STX8: variants seen among roughly 807,000 people sequenced by gnomAD.
STX8 encodes syntaxin-8.
A neutral mutation model predicts 37.5 loss-of-function variants in STX8; 23 were observed. That is an observed-to-expected ratio of 0.61 (90% CI 0.44 to 0.87). The LOEUF is 0.87. Ranked by LOEUF, STX8 falls within the 40% of genes least tolerant of loss-of-function variation. The pLI is 0.00. For missense variants in STX8, 313 were observed against 284.7 expected (o/e 1.10, Z -0.71); for synonymous variants, 115 against 99.1 (o/e 1.16, Z -0.95).
chr17:9,526,084 G>C lies in STX8; in HGVS notation c.323+19088C>G, dbSNP rs117199261. Among the ~76,000 whole-genome samples the C allele has an allele frequency of 5.8e-4, 89 of 152,296 alleles. 2 individuals carry two copies. In the East Asian group the frequency reaches 0.016, roughly 27 times the overall value. On this transcript the variant is annotated intron_variant, in intron 4 of 7. Coordinates refer to ENST00000306357, the MANE Select transcript of STX8 (RefSeq NM_004853.3). ...GAACAGGGTAATACTGTCCCTGCAA[G>C]TGTGAAAGACGAAGTATTCAAAGCC...
At chr17:9,362,294 G>A (rs72816145) in intron 7 of STX8, among the ~76,000 whole-genome samples, 7,557 of 152,106 alleles carry the variant, frequency 0.05, 234 homozygotes, top group Non-Finnish European at 0.071. Context: ...CACTGTACTC[G>A]GGCCTGCATG....
chr17:9,397,320 C>T (rs1912438737), intron 6 of STX8, among the ~76,000 whole-genome samples: 3 of 152,130 alleles, frequency 2.0e-5, no homozygotes, highest in African/African-American at 4.8e-5. Context: ...TGCTTGAACC[C>T]GGGAGGGAGA....
At chr17:9,292,196 A>T (rs1445130858) in intron 7 of STX8, among the ~76,000 whole-genome samples, 1 of 152,234 alleles carries the variant, frequency 6.6e-6, no homozygotes, top group African/African-American at 2.4e-5. Context: ...CCTTTACACA[A>T]AGAAGAACCT....
intron 6 of STX8, among the ~76,000 whole-genome samples, chr17:9,422,429 T>C (rs991364348): frequency 6.6e-6 from 1 of 152,202 alleles, no homozygotes; most frequent in Non-Finnish European, 1.5e-5. Context: ...GGTAGTTCTT[T>C]ACAGCATGTG....
chr17:9,269,966 C>T (rs1286912041), intron 7 of STX8, among the ~76,000 whole-genome samples: 2 of 152,190 alleles, frequency 1.3e-5, no homozygotes, highest in African/African-American at 4.8e-5. Flanking sequence ...GTATACTAAA[C>T]ACATGCGGTA....
chr17:9,523,466 G>T (rs529479340), intron 4 of STX8, among the ~76,000 whole-genome samples: 8 of 151,664 alleles, frequency 5.3e-5, no homozygotes, highest in Non-Finnish European at 1.2e-4. Flanking sequence ...TAATATGAGG[G>T]AGTTGGTGTT....
intron 6 of STX8, among the ~76,000 whole-genome samples, chr17:9,400,409 ATTT>A (rs1304977741): frequency 1.8e-5 from 2 of 112,886 alleles, no homozygotes; most frequent in South Asian, 3.3e-4. Flanking sequence ...TTATTTATTT[ATTT>A]TTTTTTTTTT....
intron 7 of STX8, among the ~76,000 whole-genome samples, chr17:9,342,624 G>A (rs748894589): frequency 2.2e-4 from 34 of 152,158 alleles, no homozygotes; most frequent in African/African-American, 8.0e-4. Context: ...TGTGTGTGGC[G>A]CGTGTGTTTA....
At chr17:9,299,593 G>A (rs539478637) in intron 7 of STX8, among the ~76,000 whole-genome samples, 18 of 151,928 alleles carry the variant, frequency 1.2e-4, no homozygotes, top group South Asian at 1.0e-3. Flanking sequence ...ACAGGCGCCC[G>A]CCACCACACC....
chr17:9,361,689 T>G (rs532937442), intron 7 of STX8, among the ~76,000 whole-genome samples: 7 of 152,362 alleles, frequency 4.6e-5, no homozygotes, highest in Non-Finnish European at 8.8e-5. Context: ...GATTGTTTCT[T>G]GTAAGCAACG....
chr17:9,504,992 A>AAAAAAAAAAAAAAAAT, intron 5 of STX8, 46 bp downstream of exon 5: 1 of 1,524,560 alleles, frequency 6.6e-7, no homozygotes, highest in South Asian at 1.2e-5. Context: ...AAAAAAAAAA[A>AAAAAAAAAAAAAAAAT]TTCTGGCAAG....
chr17:9,252,295 T>G (rs1898904509), intron 7 of STX8, among the ~76,000 whole-genome samples: 1 of 152,054 alleles, frequency 6.6e-6, no homozygotes, highest in South Asian at 2.1e-4. Context: ...GTACAAAAAA[T>G]TAGCCTGGCG....
At chr17:9,428,055 C>T (rs886614535) in intron 6 of STX8, among the ~76,000 whole-genome samples, 1 of 152,118 alleles carries the variant, frequency 6.6e-6, no homozygotes, top group Non-Finnish European at 1.5e-5. Context: ...ACTCCTAGGA[C>T]CAGTGGCTGC....
intron 7 of STX8, among the ~76,000 whole-genome samples, chr17:9,368,189 T>C (rs951997840): frequency 2.6e-5 from 4 of 152,182 alleles, no homozygotes; most frequent in Non-Finnish European, 5.9e-5. Flanking sequence ...CTTACTGTAA[T>C]ATATTCTGAA....
chr17:9,462,754 C>A (rs1343677747), intron 6 of STX8, among the ~76,000 whole-genome samples: 2 of 152,162 alleles, frequency 1.3e-5, no homozygotes, highest in Non-Finnish European at 2.9e-5. Flanking sequence ...AGGAAAAAAG[C>A]ATGGGGAATA....
intron 3 of STX8, among the ~76,000 whole-genome samples, chr17:9,550,491 G>A (rs542977063): frequency 6.9e-6 from 1 of 145,766 alleles, no homozygotes; most frequent in African/African-American, 2.5e-5. Flanking sequence ...GGAGAATGGC[G>A]TGAACCCGGG....
intron 4 of STX8, among the ~76,000 whole-genome samples, chr17:9,530,118 T>C (rs1462234683): frequency 6.6e-6 from 1 of 151,942 alleles, no homozygotes; most frequent in African/African-American, 2.4e-5. Flanking sequence ...CCATCCTGGC[T>C]AACACAGTGA....
At chr17:9,392,381 G>C (rs1375265021) in intron 6 of STX8, among the ~76,000 whole-genome samples, 1 of 152,198 alleles carries the variant, frequency 6.6e-6, no homozygotes, top group Non-Finnish European at 1.5e-5. Flanking sequence ...GCTGAATCGT[G>C]ATGATTGTTT....
chr17:9,518,848 G>A lies in STX8; in HGVS notation c.324-13686C>T, dbSNP rs902578064. Among the ~76,000 whole-genome samples the A allele has an allele frequency of 1.3e-4, 20 of 150,922 alleles. No homozygotes were observed. In the South Asian group the frequency reaches 2.5e-3, roughly 19 times the overall value. Reference sequence around the variant, plus strand: ...CGTGCCACTGCACTCCAGCCTGGGCGGCAGAGCGAGACTCCGTCTCAAAAA... The same window carrying A: ...CGTGCCACTGCACTCCAGCCTGGGCAGCAGAGCGAGACTCCGTCTCAAAAA... On this transcript the variant is annotated intron_variant, in intron 4 of 7. Coordinates refer to ENST00000306357, the MANE Select transcript of STX8 (RefSeq NM_004853.3).
Sources: allele counts gnomAD v4.1 joint callset (sites outside exome capture counted in the v4.1 genomes callset), GRCh38; gene constraint gnomAD v4.1.1; transcripts MANE v1.5; gene names NCBI Gene and HGNC (gene_info 2026-07-23, HGNC 2026-07-21).